PRICKLE4: variants seen among roughly 807,000 people sequenced by gnomAD.
The protein encoded by PRICKLE4 is prickle-like protein 4.
PRICKLE4 carries 40 observed loss-of-function variants against 43.5 expected under a neutral mutation model. That is an observed-to-expected ratio of 0.92 (90% CI 0.71 to 1.20). The LOEUF (loss-of-function observed/expected upper bound fraction) is 1.20. Among genes scored for constraint, PRICKLE4 ranks in the 50% most tolerant of loss-of-function variants. The pLI is 0.00. For synonymous variants in PRICKLE4, 208 were observed against 197.4 expected, an observed-to-expected ratio of 1.05 and a Z score of -0.45; for missense variants, 527 against 491.2, an observed-to-expected ratio of 1.07 and a Z score of -0.69.
chr6:41,783,044 A>G (rs2127305469), intron 2 of PRICKLE4, among the ~76,000 whole-genome samples: 1 of 152,282 alleles, frequency 6.6e-6, no homozygotes, highest in East Asian at 1.9e-4. Context: ...GAAGTTGTGA[A>G]CAAGGAGGCT....
Position 41,787,188 on chromosome 6 carries a change from C to T in PRICKLE4, c.*59C>T, listed in dbSNP as rs1460403960. ...GAAAGGGGTCTGTAAAGCGGGAGAA[C>T]AAGGCTAGCCTCCCCCTAACAATCC... On this transcript the variant is annotated 3_prime_UTR_variant, in exon 8 of 8. Transcript: ENST00000458694. 7.9e-6 allele frequency: 12 copies of T among 1,516,590 alleles called. No homozygotes were observed. The highest frequency in any genetic ancestry group is 2.6e-5 in the South Asian group (2 of 77,490). The allele number at this position is 1,516,590 out of a possible 1,614,324, so 93.9% of individuals were successfully genotyped here.
intron 2 of PRICKLE4, 25 bp from the exon 3 acceptor site, chr6:41,783,437 A>G (rs1772584159): frequency 6.8e-7 from 1 of 1,460,214 alleles, no homozygotes; most frequent in African/African-American, 1.4e-5. Flanking sequence ...TAATACATGG[A>G]GGTGTTCTTA....
rs772787701 is a variant in PRICKLE4, at chr6:41,786,257, C to T, written c.712C>T (p.Pro238Ser). 8 of 1,600,788 alleles carry T rather than the reference C, an allele frequency of 5.0e-6. No homozygotes were observed. Among genetic ancestry groups the T allele is most frequent in the Non-Finnish European group, 6.0e-6 (7 of 1,170,222 alleles). The stretch of plus-strand genomic sequence containing the variant: ...CCTGCCTGGGGGAAGCCCCTGCTGC[C>T]CCAGCTGCTTCGAGAACCGCTACTC... ...YALPGGSPCC[P>S]SCFENRYSDA... Residue 238 changes from proline (P) to serine (S), a missense_variant, in exon 7 of 8, where the codon CCC becomes TCC. Physicochemically the swap from Pro to Ser is moderately conservative, Grantham distance 74. Coordinates refer to ENST00000458694, the MANE Select transcript of PRICKLE4 (RefSeq NM_013397.6).
intron 3 of PRICKLE4, chr6:41,783,816 G>T: frequency 1.2e-6 from 1 of 800,566 alleles, no homozygotes; most frequent in South Asian, 1.5e-5. Context: ...CTCTCCTAGG[G>T]GGTCTGTATT....
chr6:41,783,804 A>C lies in PRICKLE4; in HGVS notation c.132+199A>C, dbSNP rs539474016. On this transcript the variant is annotated intron_variant, in intron 3 of 7. Transcript: ENST00000458694. ...AAACTCATTCACATGAGTATTCATT[A>C]TCTCTCCTAGGGGGTCTGTATTGTC... 28 of 820,212 alleles carry C rather than the reference A, an allele frequency of 3.4e-5. No individual in the cohort carries two copies. In the East Asian group the frequency reaches 3.5e-4, roughly 10 times the overall value. The allele number at this position is 820,212 out of a possible 1,614,324, so 50.8% of individuals were successfully genotyped here.
chr6:41,786,536 C>A, intron 7 of PRICKLE4: 1 of 1,003,800 alleles, frequency 1.0e-6, no homozygotes, highest in Non-Finnish European at 1.5e-6. Context: ...CCCGAACCCA[C>A]CCCGCGCCGC....
intron 1 of PRICKLE4, 199 bp from the exon 2 acceptor site, chr6:41,781,151 A>G (rs1412642776): frequency 1.3e-5 from 2 of 152,704 alleles, no homozygotes; most frequent in African/African-American, 4.8e-5. Context: ...GAGGCAAGAC[A>G]AGGGGTTCAG....
At chr6:41,783,362 T>G in intron 2 of PRICKLE4, 100 bp from the exon 3 acceptor site, 1 of 1,220,664 alleles carries the variant, frequency 8.2e-7, no homozygotes, top group Non-Finnish European at 1.1e-6. Flanking sequence ...CGTTTGGGTG[T>G]TGGGAGGACT....
At chr6:41,784,537 GTATTTAT>G (rs1477120482) in intron 4 of PRICKLE4, among the ~76,000 whole-genome samples, 1 of 152,234 alleles carries the variant, frequency 6.6e-6, no homozygotes, top group Non-Finnish European at 1.5e-5. Context: ...TGGTTGTTAC[GTATTTAT>G]TGAGGGTCTA....
Position 41,786,902 on chromosome 6 carries a change from G to C in PRICKLE4, c.928G>C (p.Glu310Gln), listed in dbSNP as rs776615635. 6.2e-7 allele frequency: 1 copy of C among 1,612,506 alleles called. No individual in the cohort carries two copies. The highest frequency in any genetic ancestry group is 1.7e-5 in the Admixed American group (1 of 59,922). Residue 310 changes from glutamate (E) to glutamine (Q), a missense_variant, in exon 8 of 8, where the codon GAG becomes CAG. Glu to Gln is a conservative substitution (Grantham distance 29, BLOSUM62 2). Transcript: ENST00000458694. Reference protein sequence around the residue: ...RGLPGSSPQQENRPGDKAEAP... With the variant: ...RGLPGSSPQQQNRPGDKAEAP... Reference sequence around the variant, plus strand: ...GCTGCCTGGATCCAGTCCCCAGCAGGAGAACCGACCTGGGGACAAAGCGGA... The same window carrying C: ...GCTGCCTGGATCCAGTCCCCAGCAGCAGAACCGACCTGGGGACAAAGCGGA...
Position 41,786,634 on chromosome 6 carries a change from GCGGCGGCGGCGGCGCGC to G in PRICKLE4, c.788-127_788-111del, listed in dbSNP as rs1462041750. On this transcript the variant is annotated intron_variant, in intron 7 of 7. Transcript: ENST00000458694. The stretch of plus-strand genomic sequence containing the variant: ...CGGGGGACCCTGGCGAGGACTCTCG[GCGGCGGCGGCGGCGCGC>G]ACGGCCCAGGGGCTGGGCGGGGCGG... The G allele has an allele frequency of 8.0e-6, 11 of 1,382,116 alleles. No individual in the cohort carries two copies. In the Admixed American group the frequency reaches 2.5e-4, roughly 32 times the overall value. 85.6% of individuals were successfully genotyped at this position (1,382,116 alleles called of 1,614,324 possible).
At chr6:41,781,987 T>A (rs1203465538) in intron 2 of PRICKLE4, among the ~76,000 whole-genome samples, 1 of 152,212 alleles carries the variant, frequency 6.6e-6, no homozygotes, top group Non-Finnish European at 1.5e-5. Flanking sequence ...ATTGATCCCA[T>A]TCTACCTGGT....
intron 6 of PRICKLE4, 50 bp from the exon 7 acceptor site, chr6:41,786,078 A>T (rs1461948483): frequency 5.2e-6 from 8 of 1,551,660 alleles, no homozygotes; most frequent in Non-Finnish European, 5.3e-6. Flanking sequence ...GGATGAATGA[A>T]TGAGGGAATG....
intron 3 of PRICKLE4, 38 bp from the exon 4 acceptor site, chr6:41,784,093 C>A (rs1772598545): frequency 2.0e-6 from 3 of 1,477,236 alleles, no homozygotes; most frequent in Non-Finnish European, 2.8e-6. Context: ...GAAAGAAAAA[C>A]CTAGTTTCAC....
In PRICKLE4 at chr6:41,784,230, G is replaced by A; in HGVS notation, c.232G>A (p.Asp78Asn). ...CCTCCTGCAGCAACTCCCTCCGCAGGACATTGATGTGGGTCTCCTCTCCCC... is the reference window on the plus strand; with the variant it reads ...CCTCCTGCAGCAACTCCCTCCGCAGAACATTGATGTGGGTCTCCTCTCCCC... ...QTLLQQLPPQ[D>N]IDERYCLALG... The change falls in exon 4 of 8, where the codon GAC becomes AAC. Residue 78 changes from aspartate (D) to asparagine (N), a missense_variant. Physicochemically the swap from Asp to Asn is conservative, Grantham distance 23. Coordinates refer to ENST00000458694, the MANE Select transcript of PRICKLE4 (RefSeq NM_013397.6). 6.2e-7 allele frequency: 1 copy of A among 1,608,314 alleles called. No individual in the cohort carries two copies. Among genetic ancestry groups the A allele is most frequent in the Non-Finnish European group, 8.5e-7 (1 of 1,177,160 alleles).
Position 41,786,876 on chromosome 6 carries a change from G to T in PRICKLE4, c.902G>T (p.Gly301Val). 6.2e-7 allele frequency: 1 copy of T among 1,607,546 alleles called. No individual in the cohort carries two copies. Among genetic ancestry groups the T allele is most frequent in the Non-Finnish European group, 8.5e-7 (1 of 1,175,744 alleles). ...AGGSSLQTQR[G>V]LPGSSPQQEN... ...GGTTCCAGCCTGCAAACTCAGAGGG[G>T]GCTGCCTGGATCCAGTCCCCAGCAG... Residue 301 changes from glycine (G) to valine (V), a missense_variant, in exon 8 of 8, where the codon GGG becomes GTG. By Grantham distance (109) the Gly-to-Val change is moderately radical. Transcript: ENST00000458694.
rs1413309450 is a variant in PRICKLE4, at chr6:41,787,253, G to T, written c.*124G>T. The T allele has an allele frequency of 2.9e-6, 4 of 1,383,656 alleles. No homozygotes were observed. The highest frequency in any genetic ancestry group is 3.8e-6 in the Non-Finnish European group (4 of 1,049,974). The allele number at this position is 1,383,656 out of a possible 1,614,324, so 85.7% of individuals were successfully genotyped here. A position where few individuals can be genotyped will look rare whatever the true frequency, so the allele number is the denominator to read the frequency against. Reference sequence around the variant, plus strand: ...GTCAGGCGCACGCCCGCAAGAGGCGGCGAGGTGACAAGTTTGGAGTGCGCC... The same window carrying T: ...GTCAGGCGCACGCCCGCAAGAGGCGTCGAGGTGACAAGTTTGGAGTGCGCC... On this transcript the variant is annotated 3_prime_UTR_variant, in exon 8 of 8. Coordinates refer to ENST00000458694, the MANE Select transcript of PRICKLE4 (RefSeq NM_013397.6).
intron 2 of PRICKLE4, 22 bp from the exon 3 acceptor site, chr6:41,783,440 T>C (rs772648956): frequency 6.9e-7 from 1 of 1,459,196 alleles, no homozygotes; most frequent in Non-Finnish European, 9.4e-7. Context: ...TACATGGAGG[T>C]GTTCTTATTG....
intron 2 of PRICKLE4, among the ~76,000 whole-genome samples, chr6:41,781,739 T>A (rs1772557220): frequency 6.6e-6 from 1 of 152,188 alleles, no homozygotes; most frequent in Non-Finnish European, 1.5e-5. Flanking sequence ...CTATCCCAGC[T>A]CTCAGAAGCC....
Sources: gnomAD v4.1 joint callset for allele counts (sites outside exome capture counted in the v4.1 genomes callset) on GRCh38, gnomAD v4.1.1 for gene constraint, MANE v1.5 for transcripts, NCBI Gene and HGNC (gene_info 2026-07-23, HGNC 2026-07-21) for gene names.